Variants in ANGPTL5 observed in about 807,000 individuals in gnomAD.
ANGPTL5 encodes angiopoietin like 5.
In ANGPTL5, 34 loss-of-function variants were observed where a neutral mutation model predicts 39.4. That is an observed-to-expected ratio of 0.86 (90% CI 0.66 to 1.15). ANGPTL5 has a LOEUF of 1.15. Ranked by LOEUF, ANGPTL5 falls within the 50% of genes most tolerant of loss-of-function variation. The pLI is 0.00. For missense variants in ANGPTL5, 467 were observed against 457.5 expected (o/e 1.02, Z -0.19); for synonymous variants, 146 against 152.1 (o/e 0.96, Z 0.29).
intron 7 of ANGPTL5, among the ~76,000 whole-genome samples, chr11:101,898,340 G>A (rs1939835965): frequency 6.6e-6 from 1 of 152,170 alleles, no homozygotes; most frequent in South Asian, 2.1e-4. Context: ...TTGAGCAGTG[G>A]TTTGTAGTTC....
intron 6 of ANGPTL5, among the ~76,000 whole-genome samples, chr11:101,902,175 A>G (rs1314880085): frequency 6.6e-6 from 1 of 152,160 alleles, no homozygotes; most frequent in Non-Finnish European, 1.5e-5. Flanking sequence ...ATCATCTATC[A>G]TCAGAAGAAA....
At chr11:101,899,903 T>C (rs1939863123) in intron 7 of ANGPTL5, among the ~76,000 whole-genome samples, 1 of 152,244 alleles carries the variant, frequency 6.6e-6, no homozygotes, top group Non-Finnish European at 1.5e-5. Context: ...GATGGTGCCA[T>C]GTGGCAATAA....
chr11:101,894,098 A>C (rs114856518), intron 8 of ANGPTL5, among the ~76,000 whole-genome samples: 2,192 of 152,308 alleles, frequency 0.014, 58 homozygotes, highest in African/African-American at 0.05. Context: ...AATCAACTGA[A>C]ATCATTCTCA....
intron 1 of ANGPTL5, among the ~76,000 whole-genome samples, chr11:101,913,342 G>A (rs1407470759): frequency 6.6e-6 from 1 of 152,194 alleles, no homozygotes; most frequent in African/African-American, 2.4e-5. Flanking sequence ...CAATATACAT[G>A]CATCAGAACT....
intron 8 of ANGPTL5, among the ~76,000 whole-genome samples, chr11:101,893,672 G>A (rs951854183): frequency 2.5e-4 from 38 of 152,090 alleles, no homozygotes; most frequent in Non-Finnish European, 1.3e-4. Flanking sequence ...TCCACCTTTA[G>A]ATAGTTCTTT....
chr11:101,899,239 C>A (rs755208095), intron 7 of ANGPTL5, among the ~76,000 whole-genome samples: 1 of 152,124 alleles, frequency 6.6e-6, no homozygotes, highest in African/African-American at 2.4e-5. Context: ...CTTCTTTGTA[C>A]CTCTGGTAAA....
At chr11:101,905,448 T>A (rs1272135143) in intron 4 of ANGPTL5, among the ~76,000 whole-genome samples, 2 of 152,350 alleles carry the variant, frequency 1.3e-5, no homozygotes, top group East Asian at 3.9e-4. Context: ...CCTTCATGAC[T>A]GTTAACAGAC....
At chr11:101,904,262 T>A (rs1939960967) in intron 5 of ANGPTL5, among the ~76,000 whole-genome samples, 1 of 152,198 alleles carries the variant, frequency 6.6e-6, no homozygotes, top group South Asian at 2.1e-4. Context: ...AATATTTATT[T>A]GCTTTAAACA....
At chr11:101,912,254 A>T (rs1415767769) in intron 1 of ANGPTL5, among the ~76,000 whole-genome samples, 1 of 152,236 alleles carries the variant, frequency 6.6e-6, no homozygotes, top group Non-Finnish European at 1.5e-5. Context: ...AGAATATAAC[A>T]TTGTATTTAA....
intron 1 of ANGPTL5, among the ~76,000 whole-genome samples, chr11:101,914,246 T>A (rs1420134711): frequency 6.6e-6 from 1 of 152,212 alleles, no homozygotes; most frequent in African/African-American, 2.4e-5. Context: ...TGAAATACAG[T>A]CAGAATTTAT....
Position 101,892,537 on chromosome 11 carries a change from T to C in ANGPTL5, c.848-939A>G, listed in dbSNP as rs1017851168. On this transcript the variant is annotated intron_variant, in intron 8 of 8. Coordinates refer to ENST00000334289, the MANE Select transcript of ANGPTL5 (RefSeq NM_178127.5). ...TGATCCACTGCTTCTGGCCTGAACA[T>C]TGTATGTATGGTATCCCTCGTATTT... Among the ~76,000 whole-genome samples, 8 of 152,244 alleles carry C rather than the reference T, an allele frequency of 5.3e-5. No homozygotes were observed. In the East Asian group the frequency reaches 1.2e-3, roughly 22 times the overall value.
Position 101,902,612 on chromosome 11 carries a change from G to T in ANGPTL5, c.540+9C>A, listed in dbSNP as rs778541806. 1.9e-6 allele frequency: 3 copies of T among 1,572,842 alleles called. No individual in the cohort carries two copies. The highest frequency in any genetic ancestry group is 2.6e-6 in the Non-Finnish European group (3 of 1,143,786). ...CATAATACGGGAAAACTTCAAATACGGGAAATACCTCAAATGGGTAGCTAG... is the reference window on the plus strand; with the variant it reads ...CATAATACGGGAAAACTTCAAATACTGGAAATACCTCAAATGGGTAGCTAG... On this transcript the variant is annotated intron_variant, in intron 6 of 8. Transcript: ENST00000334289.
At chr11:101,892,486 C>CT (rs1238634203) in intron 8 of ANGPTL5, among the ~76,000 whole-genome samples, 5 of 152,148 alleles carry the variant, frequency 3.3e-5, no homozygotes, top group Non-Finnish European at 7.4e-5. Context: ...CCACCTCGGC[C>CT]TCCCAAAGTG....
intron 7 of ANGPTL5, among the ~76,000 whole-genome samples, chr11:101,896,486 T>C (rs953898600): frequency 6.6e-6 from 1 of 152,180 alleles, no homozygotes; most frequent in Admixed American, 6.5e-5. Flanking sequence ...TAGGTATTTC[T>C]TCTAATGCTA....
At position 101,891,604 on chromosome 11, in the gene ANGPTL5, A is replaced by G; in HGVS notation, c.848-6T>C. 2 of 1,613,284 alleles carry G rather than the reference A, an allele frequency of 1.2e-6. No homozygotes were observed. Among genetic ancestry groups the G allele is most frequent in the Non-Finnish European group, 1.7e-6 (2 of 1,179,594 alleles). ...GAGACCCCGGAATGCATCACCTGGG[A>G]AAAAAATTTTTAATGATCGAATTTA... is the stretch of plus-strand genomic sequence containing the variant. On this transcript the variant is annotated splice_polypyrimidine_tract_variant and splice_region_variant and intron_variant, in intron 8 of 8. Coordinates refer to ENST00000334289, the MANE Select transcript of ANGPTL5 (RefSeq NM_178127.5).
rs1394400156 is a variant in ANGPTL5, at chr11:101,894,913, A to T, written c.813T>A (p.Phe271Leu). 1.5e-5 allele frequency: 25 copies of T among 1,613,454 alleles called. No homozygotes were observed. The highest frequency in any genetic ancestry group is 2.1e-5 in the Non-Finnish European group (25 of 1,179,578). Residue 271 changes from phenylalanine to leucine, a missense_variant, in exon 8 of 9, where the codon TTT becomes TTA. By Grantham distance (22) the Phe-to-Leu change is conservative. Coordinates refer to ENST00000334289, the MANE Select transcript of ANGPTL5 (RefSeq NM_178127.5). ...NFWLEDETRF[F>L]KMHLGRYSGN... ...CTGAATACCGTCCTAAGTGCATTTT[A>T]AAAAATCTCGTTTCATCCTCTAGCC...
chr11:101,903,440 G>A (rs967942516), intron 5 of ANGPTL5, among the ~76,000 whole-genome samples: 2 of 151,992 alleles, frequency 1.3e-5, no homozygotes, highest in Admixed American at 6.6e-5. Context: ...CCCTTAGAGC[G>A]TCCATTATCC....
chr11:101,903,953 A>G (rs916056733), intron 5 of ANGPTL5, among the ~76,000 whole-genome samples: 1 of 152,046 alleles, frequency 6.6e-6, no homozygotes, highest in Non-Finnish European at 1.5e-5. Flanking sequence ...GTATTTATTC[A>G]CTTAATCCTC....
chr11:101,901,742 T>C (rs1389856552), intron 6 of ANGPTL5, among the ~76,000 whole-genome samples: 1 of 152,208 alleles, frequency 6.6e-6, no homozygotes, highest in Non-Finnish European at 1.5e-5. Context: ...ATTTCCCACC[T>C]AATTTCCAAT....
Sources: allele counts gnomAD v4.1 joint callset (sites outside exome capture counted in the v4.1 genomes callset), GRCh38; gene constraint gnomAD v4.1.1; transcripts MANE v1.5; gene names NCBI Gene and HGNC (gene_info 2026-07-23, HGNC 2026-07-21).